The following PTPRR variants were observed in gnomAD, a reference collection of about 807,000 sequenced individuals.
The protein encoded by PTPRR is protein tyrosine phosphatase receptor type R.
Under a neutral mutation model 77.2 loss-of-function variants are expected in PTPRR, and 38 were observed. The observed-to-expected ratio is 0.49, with a 90% confidence interval of 0.38 to 0.65. The LOEUF is 0.65. Among genes scored for constraint, PTPRR ranks in the 30% least tolerant of loss-of-function variants. PTPRR has a pLI of 0.00. For synonymous variants in PTPRR, 299 were observed against 283.1 expected (o/e 1.06, Z -0.57); for missense variants, 744 against 799.2 (o/e 0.93, Z 0.83).
At chr12:70,866,474 T>C (rs1592802066) in intron 2 of PTPRR, among the ~76,000 whole-genome samples, 1 of 152,094 alleles carries the variant, frequency 6.6e-6, no homozygotes, top group African/African-American at 2.4e-5. Context: ...CTCCCAAGAC[T>C]AAACCAGGAA....
intron 10 of PTPRR, among the ~76,000 whole-genome samples, chr12:70,665,793 A>T (rs1886971120): frequency 6.6e-6 from 1 of 152,074 alleles, no homozygotes; most frequent in Non-Finnish European, 1.5e-5. Flanking sequence ...TGCCTGAAAA[A>T]AAAAAACCTA....
At position 70,806,203 on chromosome 12, in the gene PTPRR, T is replaced by C. The variant is rs541454296; in HGVS notation, c.358-41425A>G. ...ATCCTATGTATATTGGCTGCCTGTT[T>C]GGAAATCATTTCAAATGAAAGCAAC... On this transcript the variant is annotated intron_variant, in intron 2 of 13. Coordinates refer to ENST00000283228, the MANE Select transcript of PTPRR (RefSeq NM_002849.4). Among the ~76,000 whole-genome samples the C allele has an allele frequency of 6.8e-4, 104 of 152,272 alleles. 1 individual carries two copies. Among genetic ancestry groups the C allele is most frequent in the African/African-American group, 2.5e-3 (103 of 41,554 alleles).
chr12:70,914,552 A>G (rs1424654041), intron 1 of PTPRR, among the ~76,000 whole-genome samples: 1 of 152,196 alleles, frequency 6.6e-6, no homozygotes, highest in East Asian at 1.9e-4. Flanking sequence ...AGGATCAATT[A>G]TTTGTTTCAG....
chr12:70,697,337 A>G (rs1490282576), intron 8 of PTPRR, among the ~76,000 whole-genome samples: 1 of 152,064 alleles, frequency 6.6e-6, no homozygotes, highest in Non-Finnish European at 1.5e-5. Context: ...ACATCTTTTA[A>G]TATGCTTGTT....
chr12:70,727,168 G>A (rs768437675), intron 6 of PTPRR, among the ~76,000 whole-genome samples: 25 of 152,034 alleles, frequency 1.6e-4, no homozygotes, highest in Non-Finnish European at 1.5e-4. Flanking sequence ...AGGGTTTTGT[G>A]CTGTCATGGA....
intron 2 of PTPRR, among the ~76,000 whole-genome samples, chr12:70,846,286 G>C (rs1343596148): frequency 6.6e-6 from 1 of 152,094 alleles, no homozygotes; most frequent in African/African-American, 2.4e-5. Context: ...TACATACAAA[G>C]AAAACTCATA....
chr12:70,641,748 C>T (rs1886010919), intron 13 of PTPRR, among the ~76,000 whole-genome samples: 1 of 152,154 alleles, frequency 6.6e-6, no homozygotes. Flanking sequence ...ATTTTAGAGG[C>T]AGCCTTTTCC....
chr12:70,747,224 A>G (rs1428921181), intron 5 of PTPRR, among the ~76,000 whole-genome samples: 1 of 152,198 alleles, frequency 6.6e-6, no homozygotes, highest in Non-Finnish European at 1.5e-5. Context: ...CAAAACCTGC[A>G]CTAGAACAGT....
In PTPRR at chr12:70,684,272, G is replaced by A. The variant is rs373042961; in HGVS notation, c.1360-8C>T. 10 of 1,598,004 alleles carry A rather than the reference G, an allele frequency of 6.3e-6. No individual in the cohort carries two copies. In the African/African-American group the frequency reaches 1.1e-4, roughly 17 times the overall value. On this transcript the variant is annotated splice_region_variant and splice_polypyrimidine_tract_variant and intron_variant, in intron 9 of 13. Coordinates refer to ENST00000283228, the MANE Select transcript of PTPRR (RefSeq NM_002849.4). ...CTCCTTGCCACTGTAGCCCTAGATG[G>A]AGTAAAGAAACAAAAATATTGGTTT...
At chr12:70,655,446 A>G (rs1354203951) in intron 13 of PTPRR, among the ~76,000 whole-genome samples, 1 of 152,252 alleles carries the variant, frequency 6.6e-6, no homozygotes, top group Admixed American at 6.5e-5. Context: ...TTGCATACGC[A>G]TGTTCATAGC....
chr12:70,656,112 G>T (rs1033098651), intron 13 of PTPRR, among the ~76,000 whole-genome samples: 2 of 152,128 alleles, frequency 1.3e-5, no homozygotes, highest in Admixed American at 1.3e-4. Flanking sequence ...CAGCTACTTG[G>T]GGGGATGAGG....
intron 6 of PTPRR, among the ~76,000 whole-genome samples, chr12:70,713,759 C>T (rs10879185): frequency 0.78 from 118,457 of 152,016 alleles, 47,926 homozygotes; most frequent in East Asian, 1. Flanking sequence ...TTTTATTTTG[C>T]GTTGTAAAAT....
chr12:70,824,927 T>C, intron 2 of PTPRR, among the ~76,000 whole-genome samples: 1 of 152,228 alleles, frequency 6.6e-6, no homozygotes. Flanking sequence ...TACATACTCC[T>C]CACAGTAACC....
intron 2 of PTPRR, among the ~76,000 whole-genome samples, chr12:70,872,926 G>A (rs925747882): frequency 6.6e-6 from 1 of 151,922 alleles, no homozygotes; most frequent in African/African-American, 2.4e-5. Flanking sequence ...ATGATATCTG[G>A]CATTTGTGCA....
chr12:70,790,204 A>G (rs1891398399), intron 2 of PTPRR, among the ~76,000 whole-genome samples: 1 of 152,162 alleles, frequency 6.6e-6, no homozygotes, highest in Non-Finnish European at 1.5e-5. Context: ...CTTTATAAAC[A>G]AAGGTCTCAA....
At chr12:70,906,613 A>G (rs966480069) in intron 1 of PTPRR, among the ~76,000 whole-genome samples, 24 of 152,186 alleles carry the variant, frequency 1.6e-4, no homozygotes, top group African/African-American at 5.8e-4. Context: ...TAACCTCCCA[A>G]AATACAACAT....
chr12:70,709,994 T>C (rs953109234), intron 6 of PTPRR, among the ~76,000 whole-genome samples: 1 of 152,164 alleles, frequency 6.6e-6, no homozygotes, highest in African/African-American at 2.4e-5. Context: ...CTGAATTATC[T>C]CATTTAACTG....
chr12:70,768,332 C>T (rs955946284), intron 2 of PTPRR, among the ~76,000 whole-genome samples: 2 of 152,152 alleles, frequency 1.3e-5, no homozygotes, highest in African/African-American at 4.8e-5. Flanking sequence ...GGGATATCAC[C>T]ATCGATCCCA....
At chr12:70,735,907 C>T (rs568109611) in intron 6 of PTPRR, among the ~76,000 whole-genome samples, 36 of 152,262 alleles carry the variant, frequency 2.4e-4, no homozygotes, top group Non-Finnish European at 4.0e-4. Context: ...TACAGCAGCA[C>T]GGGCAGCAGC....
Sources: gnomAD v4.1 joint callset for allele counts (sites outside exome capture counted in the v4.1 genomes callset) on GRCh38, gnomAD v4.1.1 for gene constraint, MANE v1.5 for transcripts, NCBI Gene and HGNC (gene_info 2026-07-23, HGNC 2026-07-21) for gene names.